Variants in BCAS3 observed in about 807,000 individuals in gnomAD.
BCAS3 encodes the protein BCAS4/BCAS3 fusion.
In BCAS3, 53 loss-of-function variants were observed where a neutral mutation model predicts 116.1. The ratio of observed to expected loss-of-function variants is 0.46; its 90% confidence interval spans 0.37 to 0.57. The LOEUF (loss-of-function observed/expected upper bound fraction) is 0.57. Among genes scored for constraint, BCAS3 ranks in the 20% least tolerant of loss-of-function variants. BCAS3 has a pLI of 0.00. For synonymous variants in BCAS3, 391 were observed against 408.2 expected, an observed-to-expected ratio of 0.96 and a Z score of 0.51; for missense variants, 917 against 1,165.4, an observed-to-expected ratio of 0.79 and a Z score of 3.10.
chr17:61,245,810 G>GAA (rs11454334), intron 22 of BCAS3, among the ~76,000 whole-genome samples: 1 of 151,104 alleles, frequency 6.6e-6, no homozygotes, highest in East Asian at 1.9e-4. Context: ...CTCATTGAAA[G>GAA]AAAAAAAAAG....
At chr17:60,927,907 T>C (rs976080193) in intron 13 of BCAS3, among the ~76,000 whole-genome samples, 7 of 152,158 alleles carry the variant, frequency 4.6e-5, no homozygotes, top group African/African-American at 1.7e-4. Flanking sequence ...TTTTAATTTT[T>C]TAAAATCTTA....
chr17:61,110,672 G>A lies in BCAS3; in HGVS notation c.2425+26108G>A, dbSNP rs1204251942. Among the ~76,000 whole-genome samples, 433 of 151,662 alleles carry A rather than the reference G, an allele frequency of 2.9e-3. 3 individuals carry two copies. The highest frequency in any genetic ancestry group is 9.6e-3 in the African/African-American group (399 of 41,516). On this transcript the variant is annotated intron_variant, in intron 22 of 23. Coordinates refer to ENST00000407086, the MANE Select transcript of BCAS3 (RefSeq NM_017679.5). The stretch of plus-strand genomic sequence containing the variant: ...GCGGCAGCGAGGCTGGGGGAGGGGC[G>A]CCCGCCATTGCCCAGGCTTGCTTAG...
At chr17:60,768,215 G>T (rs895255517) in intron 6 of BCAS3, among the ~76,000 whole-genome samples, 2 of 152,168 alleles carry the variant, frequency 1.3e-5, no homozygotes, top group African/African-American at 4.8e-5. Flanking sequence ...TAGCTGTGAT[G>T]GTTAATACTG....
chr17:60,756,052 T>C (rs1436198478), intron 6 of BCAS3, among the ~76,000 whole-genome samples: 1 of 152,158 alleles, frequency 6.6e-6, no homozygotes, highest in African/African-American at 2.4e-5. Context: ...TCTAACTTAG[T>C]GGCCCCAACC....
At chr17:61,091,655 C>T (rs1177744976) in intron 22 of BCAS3, among the ~76,000 whole-genome samples, 2 of 152,184 alleles carry the variant, frequency 1.3e-5, no homozygotes, top group Non-Finnish European at 1.5e-5. Flanking sequence ...ACCAGAGCTT[C>T]TGATATTCCC....
chr17:60,794,395 G>A (rs1032169101), intron 6 of BCAS3, among the ~76,000 whole-genome samples: 1 of 152,042 alleles, frequency 6.6e-6, no homozygotes, highest in African/African-American at 2.4e-5. Context: ...CTATGCGAAA[G>A]CTCTTTAGTT....
intron 4 of BCAS3, among the ~76,000 whole-genome samples, chr17:60,703,416 C>T (rs948750226): frequency 6.6e-6 from 1 of 150,568 alleles, no homozygotes; most frequent in African/African-American, 2.4e-5. Context: ...TGGCAAAACC[C>T]CGTCTTTATG....
rs546895253 is a variant in BCAS3 at position 61,355,694 on chromosome 17, G to T, written c.2426-12633G>T. ...ATTTCAGTGCAATAGTGTGTATAAA[G>T]TAGCTATGCCTGATGCAAAGTGGAC... On this transcript the variant is annotated intron_variant, in intron 22 of 23. Coordinates refer to ENST00000407086, the MANE Select transcript of BCAS3 (RefSeq NM_017679.5). The surrounding 1 kb of genome is among the most constrained non-coding windows in gnomAD (Gnocchi z 4.2). Among the ~76,000 whole-genome samples, 175 of 151,782 alleles carry T rather than the reference G, an allele frequency of 1.2e-3. No individual in the cohort carries two copies. Among genetic ancestry groups the T allele is most frequent in the African/African-American group, 4.0e-3 (164 of 41,106 alleles).
At chr17:60,952,025 G>A (rs867056150) in intron 14 of BCAS3, among the ~76,000 whole-genome samples, 1 of 151,900 alleles carries the variant, frequency 6.6e-6, no homozygotes, top group Middle Eastern at 3.5e-3. Context: ...ACCCGCCTCA[G>A]CCTCCCAAAG....
At chr17:60,878,692 G>T (rs1363723328) in intron 9 of BCAS3, among the ~76,000 whole-genome samples, 1 of 152,042 alleles carries the variant, frequency 6.6e-6, no homozygotes, top group East Asian at 1.9e-4. Flanking sequence ...TCATATTTCT[G>T]TGAGGAAGTA....
In BCAS3 at chr17:61,199,901, G is replaced by A. The variant is rs115789838; in HGVS notation, c.2425+115337G>A. Among the ~76,000 whole-genome samples, 2,970 of 152,128 alleles carry A rather than the reference G, an allele frequency of 0.02. 100 individuals are homozygous for A. Among genetic ancestry groups the A allele is most frequent in the African/African-American group, 0.068 (2,835 of 41,474 alleles). On this transcript the variant is annotated intron_variant, in intron 22 of 23. Transcript: ENST00000407086. The surrounding 1 kb of genome is among the most constrained non-coding windows in gnomAD (Gnocchi z 4.6). ...TAGGGTCATAACCTCTTAACCTTACGGGTTATAGGTCTCTTGCTTTTTGAT... is the reference window on the plus strand; with the variant it reads ...TAGGGTCATAACCTCTTAACCTTACAGGTTATAGGTCTCTTGCTTTTTGAT...
At chr17:60,916,175 T>C (rs1340480529) in intron 12 of BCAS3, among the ~76,000 whole-genome samples, 1 of 152,218 alleles carries the variant, frequency 6.6e-6, no homozygotes, top group African/African-American at 2.4e-5. Flanking sequence ...CCCAAGAGTA[T>C]TGCTGAGTTG....
At chr17:60,776,610 T>G (rs2045312444) in intron 6 of BCAS3, among the ~76,000 whole-genome samples, 1 of 150,358 alleles carries the variant, frequency 6.7e-6, no homozygotes, top group Non-Finnish European at 1.5e-5. Flanking sequence ...TCCCAGCTAC[T>G]CAGGAGGCTG....
chr17:61,169,921 C>T (rs542765954), intron 22 of BCAS3, among the ~76,000 whole-genome samples: 1 of 152,214 alleles, frequency 6.6e-6, no homozygotes, highest in East Asian at 1.9e-4. Context: ...GTGATGCGAT[C>T]TTGGCTCACT....
At chr17:61,207,247 A>T (rs988385781) in intron 22 of BCAS3, among the ~76,000 whole-genome samples, 1 of 152,184 alleles carries the variant, frequency 6.6e-6, no homozygotes, top group Non-Finnish European at 1.5e-5. Flanking sequence ...TATGGGTACA[A>T]GTGATTGACA....
rs1037752004 is a variant in BCAS3 at position 61,034,160 on chromosome 17, G to T, written c.1638-506G>T. 6.6e-6 allele frequency among the ~76,000 whole-genome samples: 1 copy of T among 152,090 alleles called. No homozygotes were observed. The highest frequency in any genetic ancestry group is 2.4e-5 in the African/African-American group (1 of 41,412). On this transcript the variant is annotated intron_variant, in intron 16 of 23. Transcript: ENST00000407086. This position sits in a 1 kb window ranked among gnomAD's most constrained non-coding sequence, Gnocchi z 5.0. ...TTGTGGCCGAGAGAGCATTTTCAAGGCTTCATTCTATATCACCTCATTTTC... is the reference window on the plus strand; with the variant it reads ...TTGTGGCCGAGAGAGCATTTTCAAGTCTTCATTCTATATCACCTCATTTTC...
Position 61,097,015 on chromosome 17 carries a change from G to A in BCAS3, c.2425+12451G>A, listed in dbSNP as rs115921962. On this transcript the variant is annotated intron_variant, in intron 22 of 23. Coordinates refer to ENST00000407086, the MANE Select transcript of BCAS3 (RefSeq NM_017679.5). This position sits in a 1 kb window ranked among gnomAD's most constrained non-coding sequence, Gnocchi z 4.0. ...CATGAAGGGTTGAGAATTTTCCAAAGTTAATGAAAGACATAAGTCAAAGTT... is the reference window on the plus strand; with the variant it reads ...CATGAAGGGTTGAGAATTTTCCAAAATTAATGAAAGACATAAGTCAAAGTT... Among the ~76,000 whole-genome samples the A allele has an allele frequency of 0.041, 6,267 of 152,198 alleles. 459 individuals carry two copies. Among genetic ancestry groups the A allele is most frequent in the African/African-American group, 0.14 (5,893 of 41,500 alleles).
At chr17:61,370,544 A>G (rs2058994804) in intron 23 of BCAS3, among the ~76,000 whole-genome samples, 1 of 152,020 alleles carries the variant, frequency 6.6e-6, no homozygotes, top group African/African-American at 2.4e-5. Flanking sequence ...GCCCGCTACC[A>G]CGCCCAGCTA....
rs1275967703 is a variant in BCAS3 at position 61,041,249 on chromosome 17, A to G, written c.2029+357A>G. Among the ~76,000 whole-genome samples, 1 of 152,006 alleles carries G rather than the reference A, an allele frequency of 6.6e-6. No individual in the cohort carries two copies. The highest frequency in any genetic ancestry group is 1.5e-5 in the Non-Finnish European group (1 of 68,000). On this transcript the variant is annotated intron_variant, in intron 19 of 23. Transcript: ENST00000407086. This position sits in a 1 kb window ranked among gnomAD's most constrained non-coding sequence, Gnocchi z 4.7. ...AATCTGTTTCTAACATGGAAAAAAA[A>G]AAACCCCAAAACTTAGCACAGTTAA...
Sources: allele counts gnomAD v4.1 joint callset (sites outside exome capture counted in the v4.1 genomes callset), GRCh38; gene constraint gnomAD v4.1.1; non-coding constraint Gnocchi (gnomAD v3.1); transcripts MANE v1.5; gene names NCBI Gene and HGNC (gene_info 2026-07-23, HGNC 2026-07-21).